SOAT2: variants seen among roughly 807,000 people sequenced by gnomAD.
SOAT2 encodes the protein sterol O-acyltransferase 2, also known as ACAT-2.
SOAT2 carries 87 observed loss-of-function variants against 76.0 expected under a neutral mutation model. That is an observed-to-expected ratio of 1.14 (90% CI 0.96 to 1.37). SOAT2 has a LOEUF of 1.37. Among genes scored for constraint, SOAT2 ranks in the 40% most tolerant of loss-of-function variants. The pLI, the probability that SOAT2 is intolerant of heterozygous loss-of-function variation, is 0.00. For synonymous variants in SOAT2, 285 were observed against 275.4 expected (o/e 1.03, Z -0.34); for missense variants, 686 against 682.1 (o/e 1.01, Z -0.06).
At chr12:53,116,258 C>A in intron 7 of SOAT2, 92 bp downstream of exon 7, 1 of 1,203,810 alleles carries the variant, frequency 8.3e-7, no homozygotes, top group Non-Finnish European at 1.2e-6. Context: ...AAGTCCCTGC[C>A]TTCCTAAGCC....
chr12:53,111,094 T>C (rs1938003889), intron 5 of SOAT2, among the ~76,000 whole-genome samples: 1 of 151,650 alleles, frequency 6.6e-6, no homozygotes, highest in Admixed American at 6.6e-5. Context: ...TAATTATTTA[T>C]TTTAATCATT....
Position 53,112,279 on chromosome 12 carries a change from G to A in SOAT2, c.444-3111G>A, listed in dbSNP as rs1938023382. On this transcript the variant is annotated intron_variant, in intron 5 of 14. Coordinates refer to ENST00000301466, the MANE Select transcript of SOAT2 (RefSeq NM_003578.4). ...GACAAGGTCCTGGCCGGGTGTGGTG[G>A]CTCACGCCTGTAATCCCAGCACTTT... Among the ~76,000 whole-genome samples the A allele has an allele frequency of 3.9e-5, 6 of 152,234 alleles. No individual in the cohort carries two copies. The South Asian group carries it at 8.3e-4, about 21-fold the overall frequency.
chr12:53,121,927 C>A (rs1025414948), intron 12 of SOAT2, among the ~76,000 whole-genome samples: 3 of 148,434 alleles, frequency 2.0e-5, no homozygotes, highest in Non-Finnish European at 4.4e-5. Flanking sequence ...TCTGCCTCAG[C>A]CTTTTGAGTA....
chr12:53,104,194 C>T lies in SOAT2; in HGVS notation c.126C>T (p.Thr42=), dbSNP rs773844265. 1 of 1,613,320 alleles carries T rather than the reference C, an allele frequency of 6.2e-7. No homozygotes were observed. The highest frequency in any genetic ancestry group is 8.5e-7 in the Non-Finnish European group (1 of 1,179,518). ...THRAPDLVQW[T]RHMEAVKAQL... is the part of the protein sequence containing the mutation. ...GAGCCCCGGACTTGGTACAATGGACCCGACACATGGAGGTGAGGGATGTCA... is the reference window on the plus strand; with the variant it reads ...GAGCCCCGGACTTGGTACAATGGACTCGACACATGGAGGTGAGGGATGTCA... Residue 42 remains threonine, a synonymous_variant, in exon 2 of 15, where the codon ACC becomes ACT. Coordinates refer to ENST00000301466, the MANE Select transcript of SOAT2 (RefSeq NM_003578.4).
At chr12:53,105,285 G>A in intron 3 of SOAT2, 42 bp downstream of exon 3, 1 of 1,581,696 alleles carries the variant, frequency 6.3e-7, no homozygotes, top group Non-Finnish European at 8.6e-7. Context: ...CTGTAGCAAG[G>A]ATCATGAGCT....
At chr12:53,115,977 C>A in intron 6 of SOAT2, 120 bp from the exon 7 acceptor site, 2 of 883,094 alleles carry the variant, frequency 2.3e-6, no homozygotes, top group Non-Finnish European at 3.7e-6. Flanking sequence ...AAAGTATGGG[C>A]TCTGACCAGA....
chr12:53,119,178 G>C lies in SOAT2; in HGVS notation c.964G>C (p.Val322Leu). Residue 322 changes from valine to leucine, a missense_variant, in exon 10 of 15, where the codon GTC becomes CTC. Transcript: ENST00000301466. ...CFILGRLCVP[V>L]FANMSREPFS... Reference sequence around the variant, plus strand: ...CATCCTGGGCCGCCTCTGTGTTCCTGTCTTTGCCAACATGAGCCGAGAGCC... The same window carrying C: ...CATCCTGGGCCGCCTCTGTGTTCCTCTCTTTGCCAACATGAGCCGAGAGCC... The C allele has an allele frequency of 6.2e-7, 1 of 1,613,904 alleles. No homozygotes were observed.
In SOAT2 at chr12:53,115,448, G is replaced by C; in HGVS notation, c.502G>C (p.Val168Leu). The C allele has an allele frequency of 6.2e-7, 1 of 1,612,580 alleles. No individual in the cohort carries two copies. The highest frequency in any genetic ancestry group is 8.5e-7 in the Non-Finnish European group (1 of 1,179,756). Residue 168 changes from valine to leucine, a missense_variant, in exon 6 of 15, where the codon GTG (valine) becomes CTG (leucine). Coordinates refer to ENST00000301466, the MANE Select transcript of SOAT2 (RefSeq NM_003578.4). Reference sequence around the variant, plus strand: ...CTTCGGACAGCTGCCATTGGCGCTGGTGACCTGGGTGCCCATGTTTCTGTC... The same window carrying C: ...CTTCGGACAGCTGCCATTGGCGCTGCTGACCTGGGTGCCCATGTTTCTGTC... ...FSFGQLPLAL[V>L]TWVPMFLSTL... is the part of the protein sequence containing the mutation.
chr12:53,120,757 A>G (rs926204217), intron 10 of SOAT2, 29 bp from the exon 11 acceptor site: 1 of 1,567,724 alleles, frequency 6.4e-7, no homozygotes, highest in African/African-American at 1.4e-5. Flanking sequence ...GGCCAGCCTG[A>G]CCTGCAGCCT....
At chr12:53,122,852 C>A (rs986656118) in intron 12 of SOAT2, among the ~76,000 whole-genome samples, 15 of 152,254 alleles carry the variant, frequency 9.9e-5, no homozygotes, top group African/African-American at 3.1e-4. Flanking sequence ...GTTGGGTACA[C>A]CTCCCAGACG....
chr12:53,121,189 G>A (rs1938183680), intron 11 of SOAT2, 114 bp from the exon 12 acceptor site: 3 of 780,830 alleles, frequency 3.8e-6, no homozygotes. Context: ...TCTGCCAGGA[G>A]CCAGCCCTTC....
At chr12:53,118,465 C>T (rs1938140228) in intron 8 of SOAT2, 31 bp downstream of exon 8, 1 of 1,524,584 alleles carries the variant, frequency 6.6e-7, no homozygotes, top group African/African-American at 1.4e-5. Flanking sequence ...CCCAAATGCC[C>T]AGGCCCATCA....
chr12:53,117,236 C>T (rs1046090760), intron 7 of SOAT2, among the ~76,000 whole-genome samples: 2 of 149,678 alleles, frequency 1.3e-5, no homozygotes, highest in Non-Finnish European at 3.0e-5. Flanking sequence ...GCTGGGATTA[C>T]AGGCATGAGC....
chr12:53,104,289 C>CA, intron 2 of SOAT2, 83 bp downstream of exon 2: 1 of 520,382 alleles, frequency 1.9e-6, no homozygotes, highest in East Asian at 4.3e-5. Flanking sequence ...ATAAAGATGA[C>CA]TTTTTTTTTT....
chr12:53,121,980 G>T (rs745421538), intron 12 of SOAT2, among the ~76,000 whole-genome samples: 1 of 151,260 alleles, frequency 6.6e-6, no homozygotes, highest in Admixed American at 6.6e-5. Flanking sequence ...GCTAATTTTT[G>T]TATTTTTAGT....
chr12:53,104,955 A>G lies in SOAT2; in HGVS notation c.139-152A>G, dbSNP rs111341921. 582 of 595,012 alleles carry G rather than the reference A, an allele frequency of 9.8e-4. 3 individuals carry two copies. The African/African-American group carries it at 0.011, about 11-fold the overall frequency. The allele number at this position is 595,012 out of a possible 1,614,324, so 36.9% of individuals were successfully genotyped here. On this transcript the variant is annotated intron_variant, in intron 2 of 14. Coordinates refer to ENST00000301466, the MANE Select transcript of SOAT2 (RefSeq NM_003578.4). ...CCCTTCCCCCCGCAGGCCTGCCACC[A>G]CTGAACCCCCATCCCTGCTGACCCC...
At chr12:53,113,806 A>C (rs189489241) in intron 5 of SOAT2, among the ~76,000 whole-genome samples, 2 of 152,314 alleles carry the variant, frequency 1.3e-5, no homozygotes, top group Admixed American at 1.3e-4. Flanking sequence ...TGAGTCTTGA[A>C]GACCTTCTTC....
At chr12:53,105,458 CT>C (rs1937920585) in intron 3 of SOAT2, 102 bp from the exon 4 acceptor site, 10 of 1,319,760 alleles carry the variant, frequency 7.6e-6, no homozygotes, top group Admixed American at 2.0e-5. Flanking sequence ...TAGCCCTGAC[CT>C]TTCCCTACCA....
chr12:53,116,256 G>C, intron 7 of SOAT2, 90 bp downstream of exon 7: 1 of 1,207,866 alleles, frequency 8.3e-7, no homozygotes, highest in Non-Finnish European at 1.2e-6. Flanking sequence ...AAAAGTCCCT[G>C]CCTTCCTAAG....
Sources: gnomAD v4.1 joint callset for allele counts (sites outside exome capture counted in the v4.1 genomes callset) on GRCh38, gnomAD v4.1.1 for gene constraint, MANE v1.5 for transcripts, NCBI Gene and HGNC (gene_info 2026-07-23, HGNC 2026-07-21) for gene names.